EEF1AKMT1: variants seen among roughly 807,000 people sequenced by gnomAD.
EEF1AKMT1 encodes EEF1A lysine methyltransferase 1, also known as N-6 adenine-specific DNA methyltransferase 2 (putative).
A neutral mutation model predicts 21.0 loss-of-function variants in EEF1AKMT1; 18 were observed. The observed-to-expected ratio is 0.86, with a 90% CI of 0.59 to 1.27. The LOEUF is 1.27. Among genes scored for constraint, EEF1AKMT1 ranks in the 50% most tolerant of loss-of-function variants. The pLI is 0.00. For missense variants in EEF1AKMT1, 246 were observed against 258.6 expected (o/e 0.95, Z 0.33); for synonymous variants, 109 against 94.8 (o/e 1.15, Z -0.87).
intron 3 of EEF1AKMT1, among the ~76,000 whole-genome samples, chr13:20,736,523 G>C (rs1037206652): frequency 1.3e-5 from 2 of 152,074 alleles, no homozygotes; most frequent in Admixed American, 6.5e-5. Context: ...CCAGCATGAT[G>C]ATGAAGGGCG....
At chr13:20,764,583 T>A (rs997551140) in intron 1 of EEF1AKMT1, among the ~76,000 whole-genome samples, 1 of 152,172 alleles carries the variant, frequency 6.6e-6, no homozygotes, top group South Asian at 2.1e-4. Context: ...GTTCTATCGA[T>A]TGCTGAGAGG....
At chr13:20,766,535 T>G (rs1407776822) in intron 1 of EEF1AKMT1, among the ~76,000 whole-genome samples, 2 of 151,844 alleles carry the variant, frequency 1.3e-5, no homozygotes, top group African/African-American at 4.8e-5. Context: ...AGAATTATGG[T>G]ACATGGCTGG....
intron 2 of EEF1AKMT1, among the ~76,000 whole-genome samples, chr13:20,746,772 C>G (rs962728330): frequency 1.3e-5 from 2 of 152,038 alleles, no homozygotes; most frequent in African/African-American, 4.8e-5. Context: ...TATTCTGATT[C>G]TAAATGAAAA....
At chr13:20,761,976 T>G (rs1159370941) in intron 1 of EEF1AKMT1, among the ~76,000 whole-genome samples, 1 of 152,152 alleles carries the variant, frequency 6.6e-6, no homozygotes, top group African/African-American at 2.4e-5. Flanking sequence ...GGCATGTGCC[T>G]GTAGACCCAG....
chr13:20,755,125 T>C (rs894864245), intron 2 of EEF1AKMT1, among the ~76,000 whole-genome samples: 1 of 152,088 alleles, frequency 6.6e-6, no homozygotes, highest in Admixed American at 6.5e-5. Context: ...TAGCTTTTCC[T>C]AGGGGAACTT....
At chr13:20,744,511 C>G (rs2058891633) in intron 2 of EEF1AKMT1, among the ~76,000 whole-genome samples, 2 of 152,192 alleles carry the variant, frequency 1.3e-5, no homozygotes, top group Non-Finnish European at 2.9e-5. Flanking sequence ...TGTTCACATC[C>G]TTTGCCCACT....
In EEF1AKMT1 at chr13:20,750,936, A is replaced by G. The variant is rs866157472; in HGVS notation, c.144+6519T>C. ...GATTTGCATAACTTTAATGATTAGT[A>G]ATGTTGAGCTCTTCCTCATATACCA... On this transcript the variant is annotated intron_variant, in intron 2 of 4. Coordinates refer to ENST00000382758, the MANE Select transcript of EEF1AKMT1 (RefSeq NM_001318939.2). Among the ~76,000 whole-genome samples, 5 of 152,128 alleles carry G rather than the reference A, an allele frequency of 3.3e-5. 1 individual carries two copies. The highest frequency in any genetic ancestry group is 6.3e-3 in the Middle Eastern group (2 of 316).
At chr13:20,756,617 T>C (rs1852160440) in intron 2 of EEF1AKMT1, among the ~76,000 whole-genome samples, 2 of 152,154 alleles carry the variant, frequency 1.3e-5, no homozygotes, top group Non-Finnish European at 2.9e-5. Context: ...GCAGATGGGG[T>C]GGGTCCCCAG....
intron 2 of EEF1AKMT1, among the ~76,000 whole-genome samples, chr13:20,743,734 G>T: frequency 6.9e-6 from 1 of 145,332 alleles, no homozygotes; most frequent in Admixed American, 7.1e-5. Flanking sequence ...CAGGTTTGTT[G>T]CATAGGTATA....
intron 3 of EEF1AKMT1, among the ~76,000 whole-genome samples, chr13:20,736,733 CTTTT>C (rs71087090): frequency 1.1e-5 from 1 of 87,066 alleles, no homozygotes; most frequent in African/African-American, 4.6e-5. Context: ...AACCATTTGA[CTTTT>C]TTTTTTTTTT....
chr13:20,767,274 C>T (rs2141440280), intron 1 of EEF1AKMT1, among the ~76,000 whole-genome samples: 2 of 146,404 alleles, frequency 1.4e-5, no homozygotes, highest in East Asian at 4.0e-4. Context: ...CCACTGCACT[C>T]CTGCCTGGGC....
Position 20,729,087 on chromosome 13 carries a change from C to T in EEF1AKMT1, c.638G>A (p.Gly213Glu). Residue 213 changes from glycine (G) to glutamate (E), a missense_variant, in exon 5 of 5, where the codon GGG becomes GAG. Transcript: ENST00000382758. ...YVNYDSGLDC[G>E]I ...TTATGTCACCGTCTGTAATCAGATCCCACAGTCCAGCCCAGAATCATAATT... is the reference window on the plus strand; with the variant it reads ...TTATGTCACCGTCTGTAATCAGATCTCACAGTCCAGCCCAGAATCATAATT... 1 of 1,614,126 alleles carries T rather than the reference C, an allele frequency of 6.2e-7. No individual in the cohort carries two copies. Among genetic ancestry groups the T allele is most frequent in the Non-Finnish European group, 8.5e-7 (1 of 1,180,016 alleles).
At chr13:20,755,599 T>G (rs1200478828) in intron 2 of EEF1AKMT1, among the ~76,000 whole-genome samples, 1 of 152,208 alleles carries the variant, frequency 6.6e-6, no homozygotes, top group Non-Finnish European at 1.5e-5. Context: ...TCACCTTAGG[T>G]GTTTCCTGTC....
chr13:20,737,656 T>C (rs1042857443), intron 3 of EEF1AKMT1, 67 bp downstream of exon 3: 1 of 1,296,648 alleles, frequency 7.7e-7, no homozygotes, highest in Non-Finnish European at 1.1e-6. Context: ...TTACAAACCA[T>C]CTGTCATCCA....
intron 3 of EEF1AKMT1, among the ~76,000 whole-genome samples, chr13:20,737,255 C>T (rs966681554): frequency 2.0e-5 from 3 of 151,850 alleles, no homozygotes; most frequent in Non-Finnish European, 4.4e-5. Context: ...TCCCAGCTGC[C>T]TGGGAGGCTG....
intron 3 of EEF1AKMT1, among the ~76,000 whole-genome samples, chr13:20,735,080 GC>G (rs2058818829): frequency 6.6e-6 from 1 of 152,132 alleles, no homozygotes; most frequent in African/African-American, 2.4e-5. Flanking sequence ...CACTGAGCAA[GC>G]GGAACAGCAG....
chr13:20,730,462 C>T (rs1252163918), intron 4 of EEF1AKMT1, among the ~76,000 whole-genome samples: 1 of 152,136 alleles, frequency 6.6e-6, no homozygotes, highest in East Asian at 1.9e-4. Context: ...ACCACAGGTA[C>T]CCAGAAATAA....
At chr13:20,773,339 T>TG (rs2059071519) in intron 1 of EEF1AKMT1, among the ~76,000 whole-genome samples, 1 of 152,184 alleles carries the variant, frequency 6.6e-6, no homozygotes, top group Non-Finnish European at 1.5e-5. Flanking sequence ...GCACTTCTTC[T>TG]GCACCTCCGA....
intron 1 of EEF1AKMT1, among the ~76,000 whole-genome samples, chr13:20,765,619 G>A (rs1366076428): frequency 1.3e-5 from 2 of 151,676 alleles, no homozygotes; most frequent in Non-Finnish European, 2.9e-5. Context: ...CACCATGTTG[G>A]CCAGGCTGGT....
Sources: gnomAD v4.1 joint callset for allele counts (sites outside exome capture counted in the v4.1 genomes callset) on GRCh38, gnomAD v4.1.1 for gene constraint, MANE v1.5 for transcripts, NCBI Gene and HGNC (gene_info 2026-07-23, HGNC 2026-07-21) for gene names.